Variants in SLC25A21 observed in about 807,000 individuals in gnomAD.
SLC25A21 encodes solute carrier family 25 member 21.
In SLC25A21, 47 loss-of-function variants were observed where a neutral mutation model predicts 43.8. That is an observed-to-expected ratio of 1.07 (90% CI 0.85 to 1.37). SLC25A21 has a LOEUF of 1.37. SLC25A21 is among the 40% of genes most tolerant of loss of function. The pLI, the probability that SLC25A21 is intolerant of heterozygous loss-of-function variation, is 0.00. For missense variants in SLC25A21, 352 were observed against 350.2 expected (o/e 1.00, Z -0.04); for synonymous variants, 131 against 121.3 (o/e 1.08, Z -0.52).
chr14:36,932,837 G>A (rs1456013216), intron 1 of SLC25A21, among the ~76,000 whole-genome samples: 1 of 151,468 alleles, frequency 6.6e-6, no homozygotes, highest in Admixed American at 6.6e-5. Flanking sequence ...CAGACCATTG[G>A]CAAGCTCCTT....
At chr14:37,133,425 C>G (rs754964833) in intron 1 of SLC25A21, among the ~76,000 whole-genome samples, 5 of 151,992 alleles carry the variant, frequency 3.3e-5, no homozygotes, top group Non-Finnish European at 7.4e-5. Flanking sequence ...ACCACCAAAT[C>G]CATGTGATTC....
At chr14:37,065,920 G>T (rs888400638) in intron 1 of SLC25A21, among the ~76,000 whole-genome samples, 1 of 152,158 alleles carries the variant, frequency 6.6e-6, no homozygotes, top group Admixed American at 6.6e-5. Context: ...GAAACGAATG[G>T]TTTTTACAAT....
chr14:36,730,480 A>G (rs949072168), intron 4 of SLC25A21, among the ~76,000 whole-genome samples: 17 of 152,132 alleles, frequency 1.1e-4, no homozygotes, highest in African/African-American at 4.1e-4. Flanking sequence ...ATGGTCCCCA[A>G]TATTTTCTAC....
intron 3 of SLC25A21, among the ~76,000 whole-genome samples, chr14:36,769,208 G>A (rs952493124): frequency 6.6e-6 from 1 of 152,148 alleles, no homozygotes; most frequent in Admixed American, 6.6e-5. Flanking sequence ...CTCAGATAAT[G>A]CAATTCAAGT....
intron 6 of SLC25A21, among the ~76,000 whole-genome samples, chr14:36,717,060 CT>C (rs1355760156): frequency 6.6e-6 from 1 of 152,170 alleles, no homozygotes; most frequent in African/African-American, 2.4e-5. Flanking sequence ...CAGAAAAACA[CT>C]GCTTTGTTTA....
At chr14:36,814,610 C>G (rs1888389780) in intron 2 of SLC25A21, among the ~76,000 whole-genome samples, 1 of 152,112 alleles carries the variant, frequency 6.6e-6, no homozygotes, top group Admixed American at 6.5e-5. Context: ...AAATCAAAAC[C>G]ACAATGAGAT....
At chr14:36,996,798 C>G (rs1960381450) in intron 1 of SLC25A21, among the ~76,000 whole-genome samples, 1 of 152,142 alleles carries the variant, frequency 6.6e-6, no homozygotes. Flanking sequence ...GCCCTGTCTC[C>G]TCAGAGTGTG....
chr14:37,125,983 A>AAG (rs1187348271), intron 1 of SLC25A21, among the ~76,000 whole-genome samples: 1 of 152,200 alleles, frequency 6.6e-6, no homozygotes, highest in Non-Finnish European at 1.5e-5. Context: ...ATAATTTTCA[A>AAG]AGATATGGGT....
At chr14:37,012,405 A>C (rs566260595) in intron 1 of SLC25A21, among the ~76,000 whole-genome samples, 1 of 152,292 alleles carries the variant, frequency 6.6e-6, no homozygotes, top group Non-Finnish European at 1.5e-5. Flanking sequence ...AACGCTGCAA[A>C]TTCTGTCTCA....
intron 1 of SLC25A21, among the ~76,000 whole-genome samples, chr14:37,155,223 C>A (rs1471649399): frequency 2.6e-5 from 4 of 152,036 alleles, no homozygotes; most frequent in Non-Finnish European, 5.9e-5. Flanking sequence ...GTGTTTGCCA[C>A]CATGCCTGGC....
chr14:37,026,492 A>G (rs771685080), intron 1 of SLC25A21, among the ~76,000 whole-genome samples: 1 of 152,132 alleles, frequency 6.6e-6, no homozygotes, highest in Non-Finnish European at 1.5e-5. Context: ...TTTTGCATCT[A>G]AATAAACAAT....
intron 7 of SLC25A21, among the ~76,000 whole-genome samples, chr14:36,705,615 T>A (rs1404123325): frequency 2.0e-5 from 3 of 152,172 alleles, no homozygotes; most frequent in Admixed American, 6.5e-5. Flanking sequence ...TGTCTCTCTC[T>A]CACACACACA....
At chr14:37,071,259 C>T (rs1205129469) in intron 1 of SLC25A21, among the ~76,000 whole-genome samples, 2 of 152,222 alleles carry the variant, frequency 1.3e-5, no homozygotes, top group South Asian at 2.1e-4. Flanking sequence ...ATTAATCCCA[C>T]TGCAGAATAT....
intron 1 of SLC25A21, among the ~76,000 whole-genome samples, chr14:37,086,491 A>G (rs1962489202): frequency 6.6e-6 from 1 of 152,192 alleles, no homozygotes; most frequent in Non-Finnish European, 1.5e-5. Flanking sequence ...AGTCTTCTGA[A>G]TAATAAATGC....
chr14:36,726,489 G>A (rs1293570254), intron 5 of SLC25A21, among the ~76,000 whole-genome samples: 2 of 151,686 alleles, frequency 1.3e-5, no homozygotes, highest in African/African-American at 4.8e-5. Context: ...GAAAGACAAA[G>A]ACAAAGAAAT....
In SLC25A21 at chr14:36,685,560, G is replaced by A. The variant is rs192989500; in HGVS notation, c.604-635C>T. 4.0e-3 allele frequency among the ~76,000 whole-genome samples: 616 copies of A among 152,298 alleles called. 2 individuals carry two copies. The highest frequency in any genetic ancestry group is 0.014 in the African/African-American group (578 of 41,564). The stretch of plus-strand genomic sequence containing the variant: ...CAGTAGTAAGTCACTGGAGTAATTG[G>A]CTGAAGAATTTACAATCCATTGTTT... On this transcript the variant is annotated intron_variant, in intron 7 of 9. Transcript: ENST00000331299.
At chr14:36,953,328 T>C (rs1566766222) in intron 1 of SLC25A21, among the ~76,000 whole-genome samples, 1 of 152,196 alleles carries the variant, frequency 6.6e-6, no homozygotes, top group Non-Finnish European at 1.5e-5. Context: ...AAGATTCACA[T>C]TGTTTATAAC....
At chr14:36,795,188 A>C (rs1887633457) in intron 3 of SLC25A21, among the ~76,000 whole-genome samples, 1 of 152,220 alleles carries the variant, frequency 6.6e-6, no homozygotes, top group Admixed American at 6.5e-5. Flanking sequence ...AATCAAAATT[A>C]GAATATGATT....
chr14:36,955,241 A>C (rs1381777680), intron 1 of SLC25A21, among the ~76,000 whole-genome samples: 3 of 152,208 alleles, frequency 2.0e-5, no homozygotes, highest in Non-Finnish European at 4.4e-5. Context: ...ATCAAAAAAG[A>C]AGAATGCACT....
Sources: gnomAD v4.1 joint callset for allele counts (sites outside exome capture counted in the v4.1 genomes callset) on GRCh38, gnomAD v4.1.1 for gene constraint, MANE v1.5 for transcripts, NCBI Gene and HGNC (gene_info 2026-07-23, HGNC 2026-07-21) for gene names.